UFSP2: variants seen among roughly 807,000 people sequenced by gnomAD.
UFSP2 encodes ufm1-specific protease 2.
A neutral mutation model predicts 60.2 loss-of-function variants in UFSP2; 43 were observed. The observed-to-expected ratio is 0.71, with a 90% CI of 0.56 to 0.92. UFSP2 has a LOEUF of 0.92. Ranked by LOEUF, UFSP2 falls within the 40% of genes least tolerant of loss-of-function variation. The pLI, the probability that UFSP2 is intolerant of heterozygous loss-of-function variation, is 0.00. For synonymous variants in UFSP2, 183 were observed against 195.1 expected, an observed-to-expected ratio of 0.94 and a Z score of 0.52; for missense variants, 520 against 575.0, an observed-to-expected ratio of 0.90 and a Z score of 0.98.
intron 2 of UFSP2, among the ~76,000 whole-genome samples, chr4:185,420,731 G>C (rs954833450): frequency 6.6e-6 from 1 of 152,160 alleles, no homozygotes; most frequent in Middle Eastern, 3.2e-3. Context: ...AAACTGTGAA[G>C]CCTTTAAAGT....
chr4:185,399,719 G>T lies in UFSP2; in HGVS notation c.*673C>A. 1 of 1,614,158 alleles carries T rather than the reference G, an allele frequency of 6.2e-7. No homozygotes were observed. Among genetic ancestry groups the T allele is most frequent in the Non-Finnish European group, 8.5e-7 (1 of 1,180,010 alleles). ...AGGAATGATTGTGTTGCCGTGCTCA[G>T]ACAGAAACGGAGTCTCGGAAGTGTA... On this transcript the variant is annotated 3_prime_UTR_variant, in exon 12 of 12. Transcript: ENST00000264689.
chr4:185,415,121 T>C, intron 6 of UFSP2, 34 bp downstream of exon 6: 2 of 1,494,006 alleles, frequency 1.3e-6, no homozygotes. Context: ...ATAGTCATTA[T>C]TGTTTTTTCT....
intron 7 of UFSP2, among the ~76,000 whole-genome samples, chr4:185,408,720 A>G (rs1195132012): frequency 6.6e-6 from 1 of 152,020 alleles, no homozygotes; most frequent in Admixed American, 6.6e-5. Context: ...GTTCCCATAT[A>G]CCAGGGGCAA....
intron 1 of UFSP2, among the ~76,000 whole-genome samples, chr4:185,425,248 G>A (rs1268543257): frequency 6.6e-6 from 1 of 152,130 alleles, no homozygotes; most frequent in East Asian, 1.9e-4. Flanking sequence ...GGGGGTTCCT[G>A]GAGGAAGAGC....
intron 10 of UFSP2, among the ~76,000 whole-genome samples, chr4:185,405,127 T>C (rs1392574747): frequency 6.6e-6 from 1 of 151,402 alleles, no homozygotes; most frequent in Non-Finnish European, 1.5e-5. Flanking sequence ...GTCTCCTGAA[T>C]AGCTGGCACT....
At chr4:185,402,295 A>C (rs1255020731) in intron 11 of UFSP2, 8 of 455,426 alleles carry the variant, frequency 1.8e-5, no homozygotes, top group Admixed American at 7.1e-5. Context: ...ATATTCAGTA[A>C]GATACATGCA....
At chr4:185,424,040 C>T (rs903637622) in intron 1 of UFSP2, among the ~76,000 whole-genome samples, 1 of 152,018 alleles carries the variant, frequency 6.6e-6, no homozygotes, top group African/African-American at 2.4e-5. Context: ...GTGGCTCACG[C>T]CTGTAATCCC....
At chr4:185,425,618 A>T (rs2095558351) in intron 1 of UFSP2, among the ~76,000 whole-genome samples, 1 of 152,232 alleles carries the variant, frequency 6.6e-6, no homozygotes, top group South Asian at 2.1e-4. Context: ...AAATACTTTC[A>T]CACAGAGAAG....
intron 5 of UFSP2, 135 bp from the exon 6 acceptor site, chr4:185,415,482 C>T: frequency 2.3e-6 from 2 of 852,346 alleles, no homozygotes; most frequent in Non-Finnish European, 3.4e-6. Context: ...CTGAATTATA[C>T]ATTATAAAAG....
At chr4:185,424,852 T>C (rs1036201912) in intron 1 of UFSP2, among the ~76,000 whole-genome samples, 1 of 152,212 alleles carries the variant, frequency 6.6e-6, no homozygotes, top group African/African-American at 2.4e-5. Flanking sequence ...CTTCCCAGGG[T>C]TGTTATGAAG....
chr4:185,418,355 G>T, intron 4 of UFSP2, 86 bp downstream of exon 4: 2 of 1,025,672 alleles, frequency 1.9e-6, no homozygotes, highest in Non-Finnish European at 2.9e-6. Context: ...ATGATAAGAG[G>T]GTTAAATTAT....
chr4:185,401,917 T>C (rs1280434580), intron 11 of UFSP2, among the ~76,000 whole-genome samples: 1 of 152,200 alleles, frequency 6.6e-6, no homozygotes, highest in East Asian at 1.9e-4. Context: ...GGCTTCTCCC[T>C]GCCTTTAAGA....
Position 185,405,971 on chromosome 4 carries a change from T to C in UFSP2, c.1122-115A>G, listed in dbSNP as rs2095519908. 1.9e-6 allele frequency: 3 copies of C among 1,554,962 alleles called. 1 individual carries two copies. Among genetic ancestry groups the C allele is most frequent in the Middle Eastern group, 3.3e-4 (2 of 5,990 alleles). On this transcript the variant is annotated intron_variant, in intron 9 of 11. Coordinates refer to ENST00000264689, the MANE Select transcript of UFSP2 (RefSeq NM_018359.5). ...TTTTTCGGGTGTTACTGAAAAAATA[T>C]ATAAATGTAAAAAAATTAAGTGTTA...
In UFSP2 at chr4:185,415,605, A is replaced by G; in HGVS notation, c.491+105T>C. ...ATAGATGGCTCTTAGGTTAATAATA[A>G]ACAAGGAGAAAATCACACCTTAGGT... is the stretch of plus-strand genomic sequence containing the variant. On this transcript the variant is annotated intron_variant, in intron 5 of 11. Coordinates refer to ENST00000264689, the MANE Select transcript of UFSP2 (RefSeq NM_018359.5). 9 of 1,080,596 alleles carry G rather than the reference A, an allele frequency of 8.3e-6. No homozygotes were observed. In the South Asian group the frequency reaches 1.2e-4, roughly 14 times the overall value. 66.9% of individuals were successfully genotyped at this position (1,080,596 alleles called of 1,614,324 possible).
intron 11 of UFSP2, chr4:185,402,172 C>T: frequency 2.8e-6 from 1 of 353,076 alleles, no homozygotes; most frequent in South Asian, 2.2e-5. Context: ...GTTTTAGCTC[C>T]CGAAAAACCT....
chr4:185,421,645 G>A (rs2095549589), intron 2 of UFSP2, among the ~76,000 whole-genome samples: 1 of 152,148 alleles, frequency 6.6e-6, no homozygotes, highest in Admixed American at 6.5e-5. Flanking sequence ...TGTACAGTCT[G>A]CAGAACTGTG....
intron 7 of UFSP2, among the ~76,000 whole-genome samples, chr4:185,412,101 T>G (rs766980825): frequency 6.6e-6 from 1 of 151,578 alleles, no homozygotes; most frequent in Non-Finnish European, 1.5e-5. Flanking sequence ...AGGAGCTCCC[T>G]GGTATTCATT....
At chr4:185,405,439 T>C (rs960758809) in intron 10 of UFSP2, among the ~76,000 whole-genome samples, 3 of 152,228 alleles carry the variant, frequency 2.0e-5, no homozygotes, top group South Asian at 2.1e-4. Context: ...AGGTAAGTAA[T>C]TGCAAAATCT....
In UFSP2 at chr4:185,399,562, GT is replaced by G; in HGVS notation, c.*829del. 1 of 1,613,898 alleles carries G rather than the reference GT, an allele frequency of 6.2e-7. No homozygotes were observed. The highest frequency in any genetic ancestry group is 1.3e-5 in the African/African-American group (1 of 75,022). On this transcript the variant is annotated 3_prime_UTR_variant, in exon 12 of 12. Coordinates refer to ENST00000264689, the MANE Select transcript of UFSP2 (RefSeq NM_018359.5). ...TTTCATTTCACTCCGTTTTTATCCT[GT>G]TTTCAGTTTATGTAATAAGAACGGG...
Sources: gnomAD v4.1 joint callset for allele counts (sites outside exome capture counted in the v4.1 genomes callset) on GRCh38, gnomAD v4.1.1 for gene constraint, MANE v1.5 for transcripts, NCBI Gene and HGNC (gene_info 2026-07-23, HGNC 2026-07-21) for gene names.